NBEA: variants seen among roughly 807,000 people sequenced by gnomAD.
NBEA encodes the protein neurobeachin, also known as lysosomal-trafficking regulator 2.
In NBEA, 44 loss-of-function variants were observed where a neutral mutation model predicts 343.4. The observed-to-expected ratio is 0.13, with a 90% CI of 0.10 to 0.16. The LOEUF is 0.16. Ranked by LOEUF, NBEA falls within the 10% of genes least tolerant of loss-of-function variation. The pLI, the probability that NBEA is intolerant of heterozygous loss-of-function variation, is 1.00. For missense variants in NBEA, 2,555 were observed against 3,631.3 expected (o/e 0.70, Z 7.62); for synonymous variants, 1,175 against 1,238.7 (o/e 0.95, Z 1.08).
chr13:34,959,958 T>C (rs1470170812), intron 1 of NBEA, among the ~76,000 whole-genome samples: 2 of 152,188 alleles, frequency 1.3e-5, no homozygotes, highest in African/African-American at 4.8e-5. Context: ...TTTGCTATAC[T>C]GTACTTTTTA....
At position 35,164,568 on chromosome 13, in the gene NBEA, C is replaced by T. The variant is rs1194385535; in HGVS notation, c.4233+59C>T. 9.9e-6 allele frequency: 15 copies of T among 1,519,756 alleles called. No homozygotes were observed. In the South Asian group the frequency reaches 1.8e-4, roughly 18 times the overall value. The allele number at this position is 1,519,756 out of a possible 1,614,324, so 94.1% of individuals were successfully genotyped here. On this transcript the variant is annotated intron_variant, in intron 24 of 58. Coordinates refer to ENST00000379939, the MANE Select transcript of NBEA (RefSeq NM_001385012.1). ...TTATAAATACATGACTTTAGCATTT[C>T]AGTGGTGGTCTAGGCTATAAACACA...
At chr13:35,658,647 G>A (rs950604355) in intron 55 of NBEA, among the ~76,000 whole-genome samples, 8 of 152,002 alleles carry the variant, frequency 5.3e-5, no homozygotes, top group Admixed American at 3.9e-4. Context: ...ATTGTTATCC[G>A]ATAATATTTT....
rs1418855082 is a variant in NBEA at position 35,545,142 on chromosome 13, A to G, written c.6586-5335A>G. Among the ~76,000 whole-genome samples the G allele has an allele frequency of 2.0e-5, 3 of 152,334 alleles. No individual in the cohort carries two copies. In the East Asian group the frequency reaches 5.8e-4, roughly 29 times the overall value. On this transcript the variant is annotated intron_variant, in intron 41 of 58. Coordinates refer to ENST00000379939, the MANE Select transcript of NBEA (RefSeq NM_001385012.1). ...AGTAAAGGTATAAATAAAGAAGACG[A>G]TTTTATAGTATCAGGCCATATTTCA...
At chr13:35,013,551 A>C (rs903125454) in intron 1 of NBEA, among the ~76,000 whole-genome samples, 3 of 151,786 alleles carry the variant, frequency 2.0e-5, no homozygotes, top group Admixed American at 2.0e-4. Flanking sequence ...GCTCACTGCA[A>C]CCTCTGCCTC....
At chr13:35,429,934 G>A (rs1437706475) in intron 38 of NBEA, among the ~76,000 whole-genome samples, 4 of 152,082 alleles carry the variant, frequency 2.6e-5, no homozygotes, top group African/African-American at 9.7e-5. Context: ...GCATGTGCAA[G>A]TTTCTTTTTT....
chr13:34,988,964 G>A (rs2060654949), intron 1 of NBEA, among the ~76,000 whole-genome samples: 1 of 150,870 alleles, frequency 6.6e-6, no homozygotes, highest in African/African-American at 2.4e-5. Context: ...ACTGGATTTA[G>A]GCCTTCTATC....
At chr13:35,312,058 C>T (rs2037404999) in intron 36 of NBEA, among the ~76,000 whole-genome samples, 1 of 152,106 alleles carries the variant, frequency 6.6e-6, no homozygotes, top group African/African-American at 2.4e-5. Context: ...AATGTCTGTT[C>T]AACACCCACT....
At chr13:35,550,104 T>C (rs974445872) in intron 41 of NBEA, among the ~76,000 whole-genome samples, 7 of 152,058 alleles carry the variant, frequency 4.6e-5, no homozygotes, top group Non-Finnish European at 1.0e-4. Flanking sequence ...TATGGACACT[T>C]TGGGGGTAGC....
rs943513877 is a variant in NBEA, at chr13:35,159,699, A to G, written c.3528A>G (p.Val1176=). Residue 1176 remains valine, a synonymous_variant, in exon 22 of 59, where the codon GTA becomes GTG. Transcript: ENST00000379939. ...HIIPNIQDTQ[V]HLGVSDDLGL... is the part of the protein sequence containing the mutation. ...TTCCAAATATTCAGGACACACAAGT[A>G]CATCTTGGTGTTAGTGATGATCTTG... 1.7e-5 allele frequency: 28 copies of G among 1,612,884 alleles called. No homozygotes were observed. Among genetic ancestry groups the G allele is most frequent in the Non-Finnish European group, 2.4e-5 (28 of 1,179,516 alleles).
At chr13:35,151,679 T>G (rs2068799508) in intron 18 of NBEA, among the ~76,000 whole-genome samples, 1 of 152,140 alleles carries the variant, frequency 6.6e-6, no homozygotes, top group African/African-American at 2.4e-5. Context: ...AAATTATTTA[T>G]GTCTATAGTT....
chr13:35,034,020 A>C (rs1350104914), intron 1 of NBEA, among the ~76,000 whole-genome samples: 1 of 151,710 alleles, frequency 6.6e-6, no homozygotes, highest in Non-Finnish European at 1.5e-5. Context: ...TAATTATGCT[A>C]ACTGGGACTT....
At position 35,404,778 on chromosome 13, in the gene NBEA, C is replaced by T. The variant is rs1179332900; in HGVS notation, c.6180-27491C>T. ...TAATAATAAAATTTAAAAAAAAGAA[C>T]AATACAATGATTAATTGCCAAATTT... On this transcript the variant is annotated intron_variant, in intron 38 of 58. Transcript: ENST00000379939. Among the ~76,000 whole-genome samples the T allele has an allele frequency of 2.0e-5, 3 of 151,636 alleles. No homozygotes were observed. In the East Asian group the frequency reaches 5.8e-4, roughly 29 times the overall value.
At chr13:35,187,821 A>G (rs1434839701) in intron 30 of NBEA, among the ~76,000 whole-genome samples, 1 of 152,072 alleles carries the variant, frequency 6.6e-6, no homozygotes, top group African/African-American at 2.4e-5. Context: ...ACTTTATCTC[A>G]TGCTATTCTT....
chr13:35,655,313 G>A (rs143033856), intron 54 of NBEA, among the ~76,000 whole-genome samples: 1,945 of 152,152 alleles, frequency 0.013, 20 homozygotes, highest in South Asian at 0.022. Context: ...GAGAAAAATC[G>A]TGATTGTGTT....
chr13:35,355,985 T>C (rs182986289), intron 38 of NBEA, among the ~76,000 whole-genome samples: 32 of 152,192 alleles, frequency 2.1e-4, no homozygotes, highest in Admixed American at 1.3e-3. Context: ...CAATAGCATG[T>C]AAGCTTCATA....
chr13:35,335,438 T>C (rs1057386201), intron 36 of NBEA, among the ~76,000 whole-genome samples: 1 of 152,178 alleles, frequency 6.6e-6, no homozygotes, highest in African/African-American at 2.4e-5. Flanking sequence ...CTGGATAGTA[T>C]GGTCATTTTA....
At position 35,118,424 on chromosome 13, in the gene NBEA, G is replaced by T. The variant is rs769776727; in HGVS notation, c.2193G>T (p.Ser731=). The part of the protein sequence containing the change: ...DVLQLLVALM[S]EHPASMIPAF... ...TACAGTTACTGGTGGCTTTAATGTC[G>T]GAACACCCAGCCTCAATGATACCAG... Residue 731 remains serine, a synonymous_variant, in exon 16 of 59, where the codon TCG becomes TCT. Coordinates refer to ENST00000379939, the MANE Select transcript of NBEA (RefSeq NM_001385012.1). 5 of 1,606,782 alleles carry T rather than the reference G, an allele frequency of 3.1e-6. No individual in the cohort carries two copies. The highest frequency in any genetic ancestry group is 4.2e-6 in the Non-Finnish European group (5 of 1,177,132).
intron 34 of NBEA, among the ~76,000 whole-genome samples, chr13:35,243,819 A>G (rs1172034656): frequency 6.6e-6 from 1 of 151,924 alleles, no homozygotes; most frequent in Non-Finnish European, 1.5e-5. Flanking sequence ...TTCATATCCC[A>G]ATTTCAGTAA....
intron 45 of NBEA, among the ~76,000 whole-genome samples, chr13:35,576,208 C>T (rs184800287): frequency 2.5e-4 from 38 of 151,736 alleles, no homozygotes; most frequent in Admixed American, 2.1e-3. Context: ...CTTCCGCCTC[C>T]GAGATTCAGG....
Sources: gnomAD v4.1 joint callset for allele counts (sites outside exome capture counted in the v4.1 genomes callset) on GRCh38, gnomAD v4.1.1 for gene constraint, MANE v1.5 for transcripts, NCBI Gene and HGNC (gene_info 2026-07-23, HGNC 2026-07-21) for gene names.